Variants in TEX9 observed in about 807,000 individuals in gnomAD.
TEX9 encodes the protein testis-expressed protein 9.
A neutral mutation model predicts 59.6 loss-of-function variants in TEX9; 74 were observed. That is an observed-to-expected ratio of 1.24 (90% CI 1.03 to 1.51). The LOEUF (loss-of-function observed/expected upper bound fraction) is 1.51. Ranked by LOEUF, TEX9 falls within the 40% of genes most tolerant of loss-of-function variation. The pLI, the probability that TEX9 is intolerant of heterozygous loss-of-function variation, is 0.00. For missense variants in TEX9, 522 were observed against 447.8 expected, an observed-to-expected ratio of 1.17 and a Z score of -1.49; for synonymous variants, 186 against 152.2, an observed-to-expected ratio of 1.22 and a Z score of -1.64.
At chr15:56,426,136 G>T (rs906656919) in intron 10 of TEX9, among the ~76,000 whole-genome samples, 10 of 152,032 alleles carry the variant, frequency 6.6e-5, no homozygotes, top group Non-Finnish European at 1.0e-4. Flanking sequence ...ACCTGTTTCC[G>T]CAGCTTCCAA....
chr15:56,384,112 C>T lies in TEX9; in HGVS notation c.263+81C>T, dbSNP rs2047859354. On this transcript the variant is annotated intron_variant, in intron 4 of 12. Coordinates refer to ENST00000352903, the Ensembl canonical transcript of TEX9. ...ATGTAAGATCTTTTTTGCATGCAAA[C>T]ATTGAAAAATCTATAATTTGAAGAA... 6 of 1,104,448 alleles carry T rather than the reference C, an allele frequency of 5.4e-6. No individual in the cohort carries two copies. The Admixed American group carries it at 1.1e-4, about 20-fold the overall frequency. 68.4% of individuals were successfully genotyped at this position (1,104,448 alleles called of 1,614,324 possible). A position where few individuals can be genotyped will look rare whatever the true frequency, so the allele number is the denominator to read the frequency against.
chr15:56,328,255 A>C (rs989151130), intron 1 of TEX9, among the ~76,000 whole-genome samples: 1 of 152,096 alleles, frequency 6.6e-6, no homozygotes. Flanking sequence ...AACCTGCTGC[A>C]TTCAAGGGAA....
At chr15:56,391,212 C>T in intron 6 of TEX9, 31 bp from the exon 7 acceptor site, 1 of 1,449,846 alleles carries the variant, frequency 6.9e-7, no homozygotes, top group Non-Finnish European at 9.2e-7. Flanking sequence ...TACGTATATA[C>T]ATACATATGT....
At chr15:56,345,118 T>C (rs1307499526) in intron 1 of TEX9, among the ~76,000 whole-genome samples, 2 of 150,530 alleles carry the variant, frequency 1.3e-5, no homozygotes, top group Non-Finnish European at 3.0e-5. Flanking sequence ...TGTTTGACTT[T>C]CTTCCATGCA....
chr15:56,373,223 A>C (rs1246517219), intron 2 of TEX9, among the ~76,000 whole-genome samples: 1 of 152,214 alleles, frequency 6.6e-6, no homozygotes, highest in Non-Finnish European at 1.5e-5. Flanking sequence ...GGGCCACAGA[A>C]AGGCTAATAC....
chr15:56,452,092 C>T, the TEX9 span, among the ~76,000 whole-genome samples: 1 of 152,160 alleles, frequency 6.6e-6, no homozygotes, highest in Non-Finnish European at 1.5e-5. Flanking sequence ...CTTCCCTGTC[C>T]TATGTTCTCT....
At chr15:56,428,543 TTTGA>T in intron 12 of TEX9, 4 of 800,370 alleles carry the variant, frequency 5.0e-6, no homozygotes, top group Non-Finnish European at 7.7e-6. Flanking sequence ...AAGTAATATA[TTTGA>T]TTATGAAAGC....
At chr15:56,394,141 A>C (rs746913160) in intron 7 of TEX9, 24 bp from the exon 8 acceptor site, 5 of 1,589,244 alleles carry the variant, frequency 3.1e-6, no homozygotes, top group Non-Finnish European at 4.3e-6. Flanking sequence ...AAAAGACAGT[A>C]AATATAATTA....
intron 1 of TEX9, among the ~76,000 whole-genome samples, chr15:56,322,870 G>A (rs2045933288): frequency 6.6e-6 from 1 of 152,114 alleles, no homozygotes; most frequent in South Asian, 2.1e-4. Context: ...TGAAGACAAG[G>A]TGGTGGGAAT....
intron 4 of TEX9, among the ~76,000 whole-genome samples, chr15:56,384,978 A>G (rs375452254): frequency 6.6e-6 from 1 of 152,180 alleles, no homozygotes; most frequent in East Asian, 1.9e-4. Flanking sequence ...GAAGAGCTTT[A>G]TGGTTTTAAC....
intron 1 of TEX9, among the ~76,000 whole-genome samples, chr15:56,246,103 G>T (rs2043849132): frequency 6.6e-6 from 1 of 152,170 alleles, no homozygotes; most frequent in Admixed American, 6.5e-5. Flanking sequence ...GTTCGCTACC[G>T]GGTGTCACAC....
Position 56,403,459 on chromosome 15 carries a change from C to G in TEX9, c.828+8625C>G, listed in dbSNP as rs1298426286. Among the ~76,000 whole-genome samples, 3 of 152,278 alleles carry G rather than the reference C, an allele frequency of 2.0e-5. 1 individual carries two copies. The highest frequency in any genetic ancestry group is 6.5e-5 in the Admixed American group (1 of 15,298). Reference sequence around the variant, plus strand: ...GGACCTCTTCAAGGAGAACTGCAAACCACTGCTCAATGAAATAAAAGAGGA... The same window carrying G: ...GGACCTCTTCAAGGAGAACTGCAAAGCACTGCTCAATGAAATAAAAGAGGA... On this transcript the variant is annotated intron_variant, in intron 9 of 12. Transcript: ENST00000352903.
intron 1 of TEX9, among the ~76,000 whole-genome samples, chr15:56,335,843 A>G (rs2046246450): frequency 6.6e-6 from 1 of 152,354 alleles, no homozygotes; most frequent in African/African-American, 2.4e-5. Context: ...TTAAACACAA[A>G]CGATTCATAT....
intron 1 of TEX9, among the ~76,000 whole-genome samples, chr15:56,293,740 G>A (rs570960502): frequency 6.6e-6 from 1 of 152,326 alleles, no homozygotes; most frequent in Non-Finnish European, 1.5e-5. Flanking sequence ...GGTTACCAAA[G>A]GTTTGTGTGA....
chr15:56,340,063 T>C (rs547697952), intron 1 of TEX9, among the ~76,000 whole-genome samples: 1 of 152,308 alleles, frequency 6.6e-6, no homozygotes, highest in Admixed American at 6.5e-5. Context: ...CCACTAAGCC[T>C]GTATCATTGA....
intron 2 of TEX9, among the ~76,000 whole-genome samples, chr15:56,372,025 A>G (rs2047212713): frequency 6.6e-6 from 1 of 152,144 alleles, no homozygotes. Flanking sequence ...GTACCAGGGC[A>G]TTTCCCTTGC....
intron 1 of TEX9, among the ~76,000 whole-genome samples, chr15:56,296,194 T>C (rs2713907): frequency 0.015 from 2,214 of 152,318 alleles, 38 homozygotes; most frequent in East Asian, 0.047. Flanking sequence ...TATATCTTTT[T>C]TAAAATTCAC....
chr15:56,351,648 G>A (rs1276994402), intron 1 of TEX9, among the ~76,000 whole-genome samples: 3 of 152,144 alleles, frequency 2.0e-5, no homozygotes, highest in African/African-American at 7.2e-5. Flanking sequence ...CTAGCTACAG[G>A]TCATTACCCA....
chr15:56,299,824 C>G (rs1478804673), intron 1 of TEX9, among the ~76,000 whole-genome samples: 4 of 151,998 alleles, frequency 2.6e-5, no homozygotes, highest in African/African-American at 9.7e-5. Context: ...AGGAAAGGAC[C>G]CAGTTCTGGC....
Sources: allele counts gnomAD v4.1 joint callset (sites outside exome capture counted in the v4.1 genomes callset), GRCh38; gene constraint gnomAD v4.1.1; transcripts MANE v1.5; gene names NCBI Gene and HGNC (gene_info 2026-07-23, HGNC 2026-07-21).